Variants in SYNE2 observed in about 807,000 individuals in gnomAD.
The protein encoded by SYNE2 is spectrin repeat containing nuclear envelope protein 2.
Under a neutral mutation model 856.3 loss-of-function variants are expected in SYNE2, and 431 were observed. The observed-to-expected ratio is 0.50, with a 90% CI of 0.47 to 0.55. The LOEUF (loss-of-function observed/expected upper bound fraction) is 0.55. Among genes scored for constraint, SYNE2 ranks in the 20% least tolerant of loss-of-function variants. SYNE2 has a pLI of 0.00. For missense variants in SYNE2, 8,129 were observed against 8,023.2 expected (o/e 1.01, Z -0.50); for synonymous variants, 2,923 against 2,872.3 (o/e 1.02, Z -0.56).
Position 64,126,591 on chromosome 14 carries a change from A to C in SYNE2, c.13708-7A>C, listed in dbSNP as rs757708158. ...TCATTCATTGTCTTCCTTCCTCTCC[A>C]CTCCAGACGCTGGCTCTTGAGTTGA... On this transcript the variant is annotated splice_region_variant and splice_polypyrimidine_tract_variant and intron_variant, in intron 72 of 115. Coordinates refer to ENST00000555002, the MANE Select transcript of SYNE2 (RefSeq NM_182914.3). The C allele has an allele frequency of 6.2e-7, 1 of 1,613,778 alleles. No individual in the cohort carries two copies. Among genetic ancestry groups the C allele is most frequent in the East Asian group, 2.2e-5 (1 of 44,862 alleles).
intron 87 of SYNE2, among the ~76,000 whole-genome samples, chr14:64,160,857 T>C (rs953876647): frequency 4.6e-5 from 7 of 152,128 alleles, no homozygotes; most frequent in African/African-American, 9.7e-5. Context: ...TGAATAAAAC[T>C]GTATCTGAGC....
intron 2 of SYNE2, among the ~76,000 whole-genome samples, chr14:63,911,596 G>A (rs1201178024): frequency 6.6e-6 from 1 of 152,160 alleles, no homozygotes; most frequent in Non-Finnish European, 1.5e-5. Flanking sequence ...CCAGAGTCCC[G>A]CAGCTAGTGA....
In SYNE2 at chr14:63,983,748, G is replaced by A. The variant is rs371320284; in HGVS notation, c.2013G>A (p.Leu671=). ...LVSKTQLEMN[L]PLMIKKQDQP... ...ATTATTTTGTATAGGAAATGAACCT[G>A]CCACTGATGATAAAAAAACAGGATC... The change falls in exon 18 of 116, where the codon CTG becomes CTA. Residue 671 remains leucine (L), a synonymous_variant. Transcript: ENST00000555002. 3.4e-4 allele frequency: 544 copies of A among 1,612,314 alleles called. No homozygotes were observed. Among genetic ancestry groups the A allele is most frequent in the South Asian group, 1.6e-3 (144 of 90,940 alleles).
chr14:64,140,356 G>A (rs1333157530), intron 80 of SYNE2, among the ~76,000 whole-genome samples: 4 of 152,262 alleles, frequency 2.6e-5, no homozygotes, highest in African/African-American at 7.2e-5. Flanking sequence ...GGCTGAGGCA[G>A]TGGATCAGCT....
chr14:64,215,364 C>G lies in SYNE2; in HGVS notation c.19402+10C>G, dbSNP rs759119344. ...TTGAAAGCGTCTTCTGGTAGGCCCC[C>G]GCCCATGCATGTGTCAACATGGCAG... On this transcript the variant is annotated intron_variant, in intron 107 of 115. Transcript: ENST00000555002. 38 of 1,613,658 alleles carry G rather than the reference C, an allele frequency of 2.4e-5. No homozygotes were observed. The Admixed American group carries it at 6.3e-4, about 27-fold the overall frequency.
intron 45 of SYNE2, among the ~76,000 whole-genome samples, chr14:64,044,556 CAA>C (rs2097172156): frequency 6.6e-6 from 1 of 152,090 alleles, no homozygotes; most frequent in African/African-American, 2.4e-5. Context: ...GGGCCAGATG[CAA>C]AATGGTATGG....
At chr14:64,094,390 A>G (rs769088872) in intron 61 of SYNE2, among the ~76,000 whole-genome samples, 5 of 152,280 alleles carry the variant, frequency 3.3e-5, no homozygotes, top group African/African-American at 9.6e-5. Context: ...TTCAGTTACA[A>G]TGGTTTGCAT....
Position 64,132,333 on chromosome 14 carries a change from T to C in SYNE2, c.14409T>C (p.Ser4803=), listed in dbSNP as rs1292860116. The part of the protein sequence containing the change: ...IQAYSAKILP[S]LLQNRETFWA... ...CATACTCTGCCAAAATACTTCCTTC[T>C]TTATTGCAAAACAGAGAGACATTTT... The change falls in exon 77 of 116, where the codon TCT becomes TCC. Residue 4803 remains serine (S), a synonymous_variant. Coordinates refer to ENST00000555002, the MANE Select transcript of SYNE2 (RefSeq NM_182914.3). The C allele has an allele frequency of 1.2e-6, 2 of 1,614,224 alleles. No homozygotes were observed. The highest frequency in any genetic ancestry group is 1.7e-6 in the Non-Finnish European group (2 of 1,180,044).
intron 2 of SYNE2, among the ~76,000 whole-genome samples, chr14:63,930,166 G>A (rs571945819): frequency 1.3e-5 from 2 of 151,900 alleles, no homozygotes; most frequent in Non-Finnish European, 2.9e-5. Flanking sequence ...ATTTGCCTAT[G>A]GTCCAGCTAC....
chr14:63,961,775 A>G, intron 9 of SYNE2, 150 bp downstream of exon 9: 1 of 693,230 alleles, frequency 1.4e-6, no homozygotes, highest in Non-Finnish European at 2.6e-6. Context: ...ATCATGATGT[A>G]AAACATTTCT....
Position 64,102,029 on chromosome 14 carries a change from G to A in SYNE2, c.12479G>A (p.Gly4160Glu). The A allele has an allele frequency of 1.2e-6, 2 of 1,613,406 alleles. No homozygotes were observed. Among genetic ancestry groups the A allele is most frequent in the Non-Finnish European group, 1.7e-6 (2 of 1,179,414 alleles). Residue 4160 changes from glycine to glutamate, a missense_variant, in exon 64 of 116, where the codon GGA becomes GAA. Gly to Glu is a moderately conservative substitution (Grantham distance 98, BLOSUM62 -2). Coordinates refer to ENST00000555002, the MANE Select transcript of SYNE2 (RefSeq NM_182914.3). ...MEEDRASSSS[G>E]TIVQEAYGKI... ...GAAGACAGAGCTTCCTCATCCTCTG[G>A]AACAATTGTTCAGGTAATGCTGGGC...
chr14:63,856,925 A>G (rs1328859507), intron 1 of SYNE2, among the ~76,000 whole-genome samples: 1 of 151,938 alleles, frequency 6.6e-6, no homozygotes, highest in African/African-American at 2.4e-5. Context: ...GCACACTACC[A>G]TGCCTGGCCA....
chr14:64,210,078 G>A lies in SYNE2; in HGVS notation c.18677G>A (p.Trp6226Ter). 1 of 1,614,104 alleles carries A rather than the reference G, an allele frequency of 6.2e-7. No homozygotes were observed. The highest frequency in any genetic ancestry group is 1.1e-5 in the South Asian group (1 of 91,084). The change falls in exon 103 of 116, where the codon TGG becomes TAG. Residue 6226 changes from tryptophan (W) to a stop codon, truncating the protein, a stop_gained. Transcript: ENST00000555002. LOFTEE classifies it high-confidence loss of function. ...KQMVHEGNQR[W>*]DNLQRRVTAV... ...ATGGTCCACGAGGGCAACCAGCGCT[G>A]GGACAACCTTCAGAGGCGGGTCACA...
intron 2 of SYNE2, among the ~76,000 whole-genome samples, chr14:63,939,677 C>T (rs2095878911): frequency 6.6e-6 from 1 of 152,156 alleles, no homozygotes; most frequent in Non-Finnish European, 1.5e-5. Context: ...TAATAGCCAA[C>T]ACTTCTTATG....
At chr14:64,142,993 G>C (rs2098152084) in intron 82 of SYNE2, among the ~76,000 whole-genome samples, 1 of 152,212 alleles carries the variant, frequency 6.6e-6, no homozygotes, top group Admixed American at 6.5e-5. Flanking sequence ...GCTTCTGGTA[G>C]GCAGAAGATG....
At position 63,917,242 on chromosome 14, in the gene SYNE2, C is replaced by G. The variant is rs1181955092; in HGVS notation, c.79+8015C>G. 2.0e-5 allele frequency among the ~76,000 whole-genome samples: 3 copies of G among 152,030 alleles called. 1 individual carries two copies. In the South Asian group the frequency reaches 6.2e-4, roughly 32 times the overall value. ...GCAGGTAATATTTTTGCTTCTCTAA[C>G]CAATTCAGATTACTCAGTTATGATA... On this transcript the variant is annotated intron_variant, in intron 2 of 115. Transcript: ENST00000555002.
At chr14:64,038,697 G>A (rs899250195) in intron 45 of SYNE2, among the ~76,000 whole-genome samples, 8 of 152,238 alleles carry the variant, frequency 5.3e-5, no homozygotes, top group Non-Finnish European at 1.2e-4. Context: ...ACGAAAACCA[G>A]TCAGGCGTGG....
intron 2 of SYNE2, among the ~76,000 whole-genome samples, chr14:63,922,137 G>C (rs2095607942): frequency 6.6e-6 from 1 of 152,014 alleles, no homozygotes; most frequent in Non-Finnish European, 1.5e-5. Context: ...TTGAATAGTT[G>C]GGACTATAGC....
At chr14:64,140,953 G>A (rs1247738657) in intron 80 of SYNE2, among the ~76,000 whole-genome samples, 3 of 151,088 alleles carry the variant, frequency 2.0e-5, no homozygotes, top group Non-Finnish European at 4.4e-5. Flanking sequence ...CTATTAAAAT[G>A]TAAATTTTTT....
Sources: gnomAD v4.1 joint callset for allele counts (sites outside exome capture counted in the v4.1 genomes callset) on GRCh38, gnomAD v4.1.1 for gene constraint, MANE v1.5 for transcripts, NCBI Gene and HGNC (gene_info 2026-07-23, HGNC 2026-07-21) for gene names.